Variants in MYOM1 observed in about 807,000 individuals in gnomAD.
MYOM1 encodes the protein myomesin 1.
MYOM1 carries 164 observed loss-of-function variants against 205.3 expected under a neutral mutation model. The observed-to-expected ratio is 0.80, with a 90% CI of 0.70 to 0.91. The LOEUF is 0.91. MYOM1 is among the 40% of genes least tolerant of loss of function. The pLI is 0.00. For synonymous variants in MYOM1, 772 were observed against 789.4 expected (o/e 0.98, Z 0.37); for missense variants, 2,011 against 2,127.3 (o/e 0.95, Z 1.08).
intron 33 of MYOM1, among the ~76,000 whole-genome samples, chr18:3,083,542 C>T (rs1384933659): frequency 6.8e-6 from 1 of 148,032 alleles, no homozygotes; most frequent in Non-Finnish European, 1.5e-5. Context: ...AATTCTCATG[C>T]CTCAGCCTCC....
Position 3,089,156 on chromosome 18 carries a change from A to C in MYOM1, c.4137+18T>G. Reference sequence around the variant, plus strand: ...TATTTCCCTTGAATCAAATATTAAAAATTTATCTACCTCTTACCTTGCATT... The same window carrying C: ...TATTTCCCTTGAATCAAATATTAAACATTTATCTACCTCTTACCTTGCATT... On this transcript the variant is annotated intron_variant, in intron 29 of 37. Coordinates refer to ENST00000356443, the MANE Select transcript of MYOM1 (RefSeq NM_003803.4). The C allele has an allele frequency of 6.3e-7, 1 of 1,575,584 alleles. No homozygotes were observed. Among genetic ancestry groups the C allele is most frequent in the Admixed American group, 1.7e-5 (1 of 57,662 alleles).
At chr18:3,160,085 CTCCT>C (rs2080365905) in intron 10 of MYOM1, among the ~76,000 whole-genome samples, 1 of 121,008 alleles carries the variant, frequency 8.3e-6, no homozygotes, top group African/African-American at 3.6e-5. Context: ...CTTCCTCCTC[CTCCT>C]TCTTCTCCTC....
intron 26 of MYOM1, among the ~76,000 whole-genome samples, chr18:3,091,020 A>C (rs999714394): frequency 7.9e-5 from 12 of 152,134 alleles, no homozygotes; most frequent in Non-Finnish European, 1.6e-4. Context: ...TGTCTATATA[A>C]AAATAGAAAA....
chr18:3,070,454 G>A (rs915931359), intron 37 of MYOM1, among the ~76,000 whole-genome samples: 3 of 151,840 alleles, frequency 2.0e-5, no homozygotes, highest in African/African-American at 4.8e-5. Context: ...CCCAGTGGCT[G>A]TAAACTTTTT....
chr18:3,124,609 G>A (rs904249572), intron 19 of MYOM1, among the ~76,000 whole-genome samples: 8 of 151,952 alleles, frequency 5.3e-5, no homozygotes, highest in African/African-American at 1.5e-4. Context: ...GATTACAGGC[G>A]TGAGCCACCG....
At chr18:3,146,342 C>T (rs2080122717) in intron 13 of MYOM1, among the ~76,000 whole-genome samples, 1 of 151,992 alleles carries the variant, frequency 6.6e-6, no homozygotes, top group South Asian at 2.1e-4. Flanking sequence ...CACAAAAATT[C>T]CTTTAAAAAT....
chr18:3,196,479 G>C (rs2080990813), intron 2 of MYOM1, among the ~76,000 whole-genome samples: 1 of 152,108 alleles, frequency 6.6e-6, no homozygotes, highest in South Asian at 2.1e-4. Context: ...TGTATGGACT[G>C]GTGTCAGTCT....
At chr18:3,197,391 G>C (rs776686642) in intron 2 of MYOM1, among the ~76,000 whole-genome samples, 1 of 151,824 alleles carries the variant, frequency 6.6e-6, no homozygotes, top group South Asian at 2.1e-4. Flanking sequence ...GCCTGCCTTG[G>C]CCTCCCAAAG....
At chr18:3,115,406 T>C (rs8099227) in intron 21 of MYOM1, among the ~76,000 whole-genome samples, 132,746 of 152,160 alleles carry the variant, frequency 0.87, 58,430 homozygotes, top group East Asian at 0.97. Flanking sequence ...GAGTGGCTGA[T>C]AGATGGAAGG....
rs1180922945 is a variant in MYOM1 at position 3,067,313 on chromosome 18, C to T, written c.5007G>A (p.Glu1669=). ...GGGACTCCAAGGCGGCCATCCTCGC[C>T]TCCTCCTCTGGGATGAACACGCTGA... The part of the protein sequence containing the change: ...FTVSVFIPEE[E]ARMAALESLK... Residue 1669 remains glutamate, a synonymous_variant, in exon 38 of 38, where the codon GAG becomes GAA. Coordinates refer to ENST00000356443, the MANE Select transcript of MYOM1 (RefSeq NM_003803.4). The T allele has an allele frequency of 6.2e-7, 1 of 1,611,540 alleles. No homozygotes were observed. The highest frequency in any genetic ancestry group is 8.5e-7 in the Non-Finnish European group (1 of 1,179,602).
At chr18:3,104,053 C>T (rs2143769327) in intron 22 of MYOM1, among the ~76,000 whole-genome samples, 1 of 152,264 alleles carries the variant, frequency 6.6e-6, no homozygotes. Context: ...AATTGTCCAC[C>T]ATATGTTACT....
chr18:3,169,533 G>A (rs184928950), intron 8 of MYOM1, among the ~76,000 whole-genome samples: 6 of 152,208 alleles, frequency 3.9e-5, no homozygotes, highest in Non-Finnish European at 7.4e-5. Flanking sequence ...ACATACAAAT[G>A]GCCAACCGGT....
In MYOM1 at chr18:3,171,623, G is replaced by C. The variant is rs529602352; in HGVS notation, c.1174+2315C>G. On this transcript the variant is annotated intron_variant, in intron 8 of 37. Transcript: ENST00000356443. ...AATGGTTTAGGGCAGGGGTTGGCAA[G>C]TCTGTGGGGCAAATCTAGGATGTCT... is the stretch of plus-strand genomic sequence containing the variant. Among the ~76,000 whole-genome samples the C allele has an allele frequency of 1.1e-4, 16 of 152,112 alleles. No homozygotes were observed. In the South Asian group the frequency reaches 2.5e-3, roughly 24 times the overall value.
chr18:3,161,989 T>C (rs2080397444), intron 10 of MYOM1, among the ~76,000 whole-genome samples: 1 of 152,200 alleles, frequency 6.6e-6, no homozygotes, highest in Admixed American at 6.5e-5. Context: ...CTAAATATAT[T>C]GAAATACAGT....
intron 5 of MYOM1, among the ~76,000 whole-genome samples, chr18:3,186,952 A>C (rs2080825610): frequency 6.6e-6 from 1 of 151,606 alleles, no homozygotes; most frequent in South Asian, 2.1e-4. Flanking sequence ...AGGAAAAGAG[A>C]GAAAGAAAGA....
intron 22 of MYOM1, among the ~76,000 whole-genome samples, chr18:3,110,254 T>TA (rs11412843): frequency 0.023 from 3,471 of 152,202 alleles, 127 homozygotes; most frequent in African/African-American, 0.079. Flanking sequence ...TGGTGATGTT[T>TA]AAAAAACTGA....
chr18:3,157,723 A>AATAATC (rs1332152023), intron 10 of MYOM1, among the ~76,000 whole-genome samples: 3 of 134,198 alleles, frequency 2.2e-5, no homozygotes, highest in South Asian at 2.4e-4. Flanking sequence ...TAATAATAAT[A>AATAATC]ATCCTTCTTT....
Position 3,168,908 on chromosome 18 carries a change from C to T in MYOM1, c.1248G>A (p.Gly416=). The T allele has an allele frequency of 6.2e-7, 1 of 1,613,824 alleles. No individual in the cohort carries two copies. The highest frequency in any genetic ancestry group is 2.2e-5 in the East Asian group (1 of 44,864). The change falls in exon 9 of 38, where the codon GGG becomes GGA. Residue 416 remains glycine, a synonymous_variant. Coordinates refer to ENST00000356443, the MANE Select transcript of MYOM1 (RefSeq NM_003803.4). ...CTAGACTCATTGTCTCTCCCTCTCT[C>T]CCAAAAGACACATCAAATTTGTCAT... ...HFDDKFDVSF[G]REGETMSLGC... is the part of the protein sequence containing the mutation.
chr18:3,186,752 A>AGAAG (rs946832443), intron 5 of MYOM1, among the ~76,000 whole-genome samples: 1 of 149,648 alleles, frequency 6.7e-6, no homozygotes, highest in African/African-American at 2.5e-5. Context: ...AAAGAGAGAA[A>AGAAG]GAAGGAAGGA....
Sources: gnomAD v4.1 joint callset for allele counts (sites outside exome capture counted in the v4.1 genomes callset) on GRCh38, gnomAD v4.1.1 for gene constraint, MANE v1.5 for transcripts, NCBI Gene and HGNC (gene_info 2026-07-23, HGNC 2026-07-21) for gene names.